Variants in PDXK observed in about 807,000 individuals in gnomAD.
PDXK encodes pyridoxal kinase.
In PDXK, 15 loss-of-function variants were observed where a neutral mutation model predicts 43.2. The observed-to-expected ratio is 0.35, with a 90% confidence interval of 0.23 to 0.53. The LOEUF is 0.53. PDXK is among the 20% of genes least tolerant of loss of function. The pLI is 0.92. For missense variants in PDXK, 343 were observed against 417.0 expected, an observed-to-expected ratio of 0.82 and a Z score of 1.54; for synonymous variants, 172 against 165.4, an observed-to-expected ratio of 1.04 and a Z score of -0.31.
rs2083366868 is a variant in PDXK, at chr21:43,734,187, G to A, written c.142+64G>A. 1 of 1,452,670 alleles carries A rather than the reference G, an allele frequency of 6.9e-7. No individual in the cohort carries two copies. The highest frequency in any genetic ancestry group is 1.1e-5 in the South Asian group (1 of 87,764). 90.0% of individuals were successfully genotyped at this position (1,452,670 alleles called of 1,614,324 possible). On this transcript the variant is annotated intron_variant, in intron 2 of 10. Coordinates refer to ENST00000291565, the MANE Select transcript of PDXK (RefSeq NM_003681.5). This position sits in a 1 kb window ranked among gnomAD's most constrained non-coding sequence, Gnocchi z 5.0. ...GTGGGTGTGAGGGACGGGGCGGAGT[G>A]TGGGTGTGAGGGACGGGGCGGAGTG...
Position 43,724,941 on chromosome 21 carries a change from T to TA in PDXK, c.87+5560_87+5561insA, listed in dbSNP as rs769549716. Among the ~76,000 whole-genome samples, 679 of 150,458 alleles carry TA rather than the reference T, an allele frequency of 4.5e-3. 1 individual carries two copies. Among genetic ancestry groups the TA allele is most frequent in the Admixed American group, 7.9e-3 (120 of 15,112 alleles). On this transcript the variant is annotated intron_variant, in intron 1 of 10. Transcript: ENST00000291565. ...CCGATGCACTAGGTAGACCCTGTTT[T>TA]TAAAAAAAAAAAATCCCCTGCTCTG...
At chr21:43,745,343 C>A (rs2083619812) in intron 4 of PDXK, among the ~76,000 whole-genome samples, 1 of 151,940 alleles carries the variant, frequency 6.6e-6, no homozygotes, top group South Asian at 2.1e-4. Flanking sequence ...TCACTTGAAC[C>A]CGGGAGGCGG....
chr21:43,719,317 T>C lies in PDXK; in HGVS notation c.23T>C (p.Leu8Pro). The change falls in exon 1 of 11, where the codon CTC becomes CCC. Residue 8 changes from leucine (L) to proline (P), a missense_variant. Physicochemically the swap from Leu to Pro is moderately conservative, Grantham distance 98. Coordinates refer to ENST00000291565, the MANE Select transcript of PDXK (RefSeq NM_003681.5). MEEECRV[L>P]SIQSHVIRGY... ...GGCATGGAGGAGGAGTGCCGGGTGC[T>C]CTCCATACAGAGCCACGTCATCCGC... 6.6e-7 allele frequency: 1 copy of C among 1,507,094 alleles called. No homozygotes were observed. Among genetic ancestry groups the C allele is most frequent in the Non-Finnish European group, 8.9e-7 (1 of 1,129,220 alleles). 93.4% of individuals were successfully genotyped at this position (1,507,094 alleles called of 1,614,324 possible).
In PDXK at chr21:43,737,651, G is replaced by A. The variant is rs913130614; in HGVS notation, c.142+3528G>A. On this transcript the variant is annotated intron_variant, in intron 2 of 10. Coordinates refer to ENST00000291565, the MANE Select transcript of PDXK (RefSeq NM_003681.5). This position sits in a 1 kb window ranked among gnomAD's most constrained non-coding sequence, Gnocchi z 4.8. ...AGCTGGTGTGAACACAAGGAGCTGC[G>A]GGGCTGGAGAAGGCCAGGGCCAGGA... 3.0e-5 allele frequency: 30 copies of A among 986,722 alleles called. No homozygotes were observed. The highest frequency in any genetic ancestry group is 3.1e-5 in the Non-Finnish European group (26 of 830,728). The allele number at this position is 986,722 out of a possible 1,614,324, so 61.1% of individuals were successfully genotyped here. A position where few individuals can be genotyped will look rare whatever the true frequency, so the allele number is the denominator to read the frequency against.
chr21:43,735,057 T>C lies in PDXK; in HGVS notation c.142+934T>C, dbSNP rs745357264. 7.2e-5 allele frequency among the ~76,000 whole-genome samples: 11 copies of C among 152,200 alleles called. No individual in the cohort carries two copies. The highest frequency in any genetic ancestry group is 1.3e-4 in the Admixed American group (2 of 15,286). On this transcript the variant is annotated intron_variant, in intron 2 of 10. Transcript: ENST00000291565. The surrounding 1 kb of genome is among the most constrained non-coding windows in gnomAD (Gnocchi z 5.3). Reference sequence around the variant, plus strand: ...TGCTAAGTGAGAGGAAAGAGTTGCTTGGCCGGTGCAGACGGACAGGCTCCA... The same window carrying C: ...TGCTAAGTGAGAGGAAAGAGTTGCTCGGCCGGTGCAGACGGACAGGCTCCA...
chr21:43,729,655 C>T (rs1329016578), intron 1 of PDXK, among the ~76,000 whole-genome samples: 2 of 152,116 alleles, frequency 1.3e-5, no homozygotes, highest in African/African-American at 4.8e-5. Flanking sequence ...AACAGTAGCA[C>T]GGGCCGAGCA....
In PDXK at chr21:43,734,487, T is replaced by C. The variant is rs2083372341; in HGVS notation, c.142+364T>C. On this transcript the variant is annotated intron_variant, in intron 2 of 10. Transcript: ENST00000291565. This position sits in a 1 kb window ranked among gnomAD's most constrained non-coding sequence, Gnocchi z 5.0. ...TGATTACGTCACTTGCATAAAATGC[T>C]TGGACCAATGCCTGGCTCAGAGCGC... 6.6e-6 allele frequency among the ~76,000 whole-genome samples: 1 copy of C among 152,196 alleles called. No homozygotes were observed. The highest frequency in any genetic ancestry group is 2.4e-5 in the African/African-American group (1 of 41,438).
chr21:43,752,656 C>A, intron 8 of PDXK, 27 bp downstream of exon 8: 1 of 1,354,680 alleles, frequency 7.4e-7, no homozygotes, highest in Non-Finnish European at 1.1e-6. Context: ...TGCACCGTGG[C>A]CGCCTCTGCT....
At position 43,748,997 on chromosome 21, in the gene PDXK, C is replaced by T. The variant is rs749154530; in HGVS notation, c.381C>T (p.Tyr127=). 16 of 1,600,758 alleles carry T rather than the reference C, an allele frequency of 1.0e-5. No homozygotes were observed. The highest frequency in any genetic ancestry group is 3.3e-5 in the South Asian group (3 of 90,752). Residue 127 remains tyrosine, a splice_region_variant and synonymous_variant, in exon 6 of 11, where the codon TAC becomes TAT. Coordinates refer to ENST00000291565, the MANE Select transcript of PDXK (RefSeq NM_003681.5). Reference sequence around the variant, plus strand: ...CTCCTGTCTCCTTTGTTGGCCAGTACGTCCCGGAGGACCTCCTTCCCGTCT... The same window carrying T: ...CTCCTGTCTCCTTTGTTGGCCAGTATGTCCCGGAGGACCTCCTTCCCGTCT... ...GDKWDGEGSM[Y]VPEDLLPVYK... is the part of the protein sequence containing the mutation.
intron 8 of PDXK, among the ~76,000 whole-genome samples, chr21:43,753,205 G>A (rs981518711): frequency 1.3e-5 from 2 of 151,536 alleles, no homozygotes; most frequent in Non-Finnish European, 2.9e-5. Flanking sequence ...GGCACACACA[G>A]GCATACATGC....
chr21:43,720,959 A>ATT (rs2083202015), intron 1 of PDXK, among the ~76,000 whole-genome samples: 1 of 152,144 alleles, frequency 6.6e-6, no homozygotes, highest in Non-Finnish European at 1.5e-5. Flanking sequence ...TCGAACTCCC[A>ATT]GTGACTCGAG....
intron 3 of PDXK, among the ~76,000 whole-genome samples, chr21:43,742,299 CA>C (rs1191586629): frequency 2.0e-5 from 3 of 152,202 alleles, no homozygotes; most frequent in Admixed American, 6.5e-5. Flanking sequence ...CCTGCCTCAA[CA>C]TCCCAAGTAG....
At chr21:43,729,371 AAAG>A (rs1467211168) in intron 1 of PDXK, among the ~76,000 whole-genome samples, 1 of 152,194 alleles carries the variant, frequency 6.6e-6, no homozygotes, top group Non-Finnish European at 1.5e-5. Flanking sequence ...TTGGAGGCCG[AAAG>A]AAGGACGGTC....
chr21:43,745,880 T>C (rs1213034577), intron 4 of PDXK, 199 bp from the exon 5 acceptor site: 2 of 608,700 alleles, frequency 3.3e-6, no homozygotes, highest in Non-Finnish European at 6.0e-6. Context: ...GCCTGTGGTC[T>C]CAGCCACTTG....
intron 3 of PDXK, among the ~76,000 whole-genome samples, chr21:43,742,057 G>A (rs1337246593): frequency 1.3e-5 from 2 of 152,192 alleles, no homozygotes; most frequent in Non-Finnish European, 2.9e-5. Flanking sequence ...AGGGTGTTGG[G>A]AACGCTGACC....
Position 43,732,112 on chromosome 21 carries a change from G to A in PDXK, c.88-1957G>A, listed in dbSNP as rs977581096. On this transcript the variant is annotated intron_variant, in intron 1 of 10. Coordinates refer to ENST00000291565, the MANE Select transcript of PDXK (RefSeq NM_003681.5). The surrounding 1 kb of genome is among the most constrained non-coding windows in gnomAD (Gnocchi z 4.1). ...AGAGCCCCGGGGGAAGAAGAGCACTGCTGACAGAAGCCCATTCTCTTCGCA... is the reference window on the plus strand; with the variant it reads ...AGAGCCCCGGGGGAAGAAGAGCACTACTGACAGAAGCCCATTCTCTTCGCA... The A allele has an allele frequency of 7.7e-7, 1 of 1,297,058 alleles. No homozygotes were observed. The highest frequency in any genetic ancestry group is 1.5e-5 in the African/African-American group (1 of 67,026). The allele number at this position is 1,297,058 out of a possible 1,614,324, so 80.3% of individuals were successfully genotyped here. A position where few individuals can be genotyped will look rare whatever the true frequency, so the allele number is the denominator to read the frequency against.
intron 1 of PDXK, chr21:43,720,012 T>G: frequency 1.3e-6 from 1 of 792,538 alleles, no homozygotes; most frequent in African/African-American, 1.9e-5. Flanking sequence ...TCCCTGCAGG[T>G]GTTTGCTCTG....
At chr21:43,747,002 G>C (rs1342668055) in intron 5 of PDXK, 1 of 152,282 alleles carries the variant, frequency 6.6e-6, no homozygotes, top group African/African-American at 2.4e-5. Flanking sequence ...GCTGGGTGTG[G>C]TGGCACCTAC....
At chr21:43,738,968 C>G (rs902515870) in intron 2 of PDXK, 2 of 146,720 alleles carry the variant, frequency 1.4e-5, no homozygotes, top group African/African-American at 5.0e-5. Flanking sequence ...GAGTCTCACT[C>G]TGTTGCCCAG....
Sources: allele counts gnomAD v4.1 joint callset (sites outside exome capture counted in the v4.1 genomes callset), GRCh38; gene constraint gnomAD v4.1.1; non-coding constraint Gnocchi (gnomAD v3.1); transcripts MANE v1.5; gene names NCBI Gene and HGNC (gene_info 2026-07-23, HGNC 2026-07-21).